Variants in KCNH1 observed in about 807,000 individuals in gnomAD.
KCNH1 encodes potassium voltage-gated channel subfamily H member 1, also known as voltage-gated delayed rectifier potassium channel KCNH1.
Under a neutral mutation model 69.2 loss-of-function variants are expected in KCNH1, and 27 were observed. That is an observed-to-expected ratio of 0.39 (90% CI 0.29 to 0.54). The LOEUF is 0.54. Among genes scored for constraint, KCNH1 ranks in the 20% least tolerant of loss-of-function variants. The probability of loss-of-function intolerance (pLI) is 0.68; values close to 1 mark genes in which losing one functional copy is unlikely to be tolerated. For synonymous variants in KCNH1, 456 were observed against 487.7 expected (o/e 0.93, Z 0.86); for missense variants, 798 against 1,261.6 (o/e 0.63, Z 5.57).
chr1:210,749,000 G>A (rs139546657), intron 10 of KCNH1, among the ~76,000 whole-genome samples: 35 of 152,180 alleles, frequency 2.3e-4, no homozygotes, highest in African/African-American at 6.5e-4. Context: ...GCTCTGCTCC[G>A]GCTTCCTCCT....
chr1:210,690,548 T>C (rs1311335075), intron 10 of KCNH1, among the ~76,000 whole-genome samples: 1 of 152,186 alleles, frequency 6.6e-6, no homozygotes, highest in East Asian at 1.9e-4. Context: ...AACTGGGCCA[T>C]TTAAGAAACT....
intron 10 of KCNH1, among the ~76,000 whole-genome samples, chr1:210,705,935 C>A (rs1681900967): frequency 6.6e-6 from 1 of 152,208 alleles, no homozygotes. Flanking sequence ...GCACTGAATG[C>A]TAAGAGCCAG....
intron 10 of KCNH1, among the ~76,000 whole-genome samples, chr1:210,700,334 G>C (rs1681743324): frequency 6.6e-6 from 1 of 152,168 alleles, no homozygotes; most frequent in African/African-American, 2.4e-5. Context: ...CACATTCCCT[G>C]CTGCAGGTAT....
intron 7 of KCNH1, among the ~76,000 whole-genome samples, chr1:210,820,627 CTG>C (rs1204589834): frequency 6.6e-6 from 1 of 152,090 alleles, no homozygotes; most frequent in Non-Finnish European, 1.5e-5. Flanking sequence ...GAGAGAGACT[CTG>C]TCTCAAAAAA....
At chr1:211,037,151 T>C (rs979838962) in intron 5 of KCNH1, among the ~76,000 whole-genome samples, 21 of 152,130 alleles carry the variant, frequency 1.4e-4, no homozygotes, top group African/African-American at 5.1e-4. Context: ...AACCACCCTG[T>C]GAGGGAGTTC....
At chr1:210,932,606 T>A (rs1377507847) in intron 6 of KCNH1, among the ~76,000 whole-genome samples, 1 of 151,884 alleles carries the variant, frequency 6.6e-6, no homozygotes, top group East Asian at 1.9e-4. Context: ...ACATGCTACC[T>A]AAAAGAAACT....
chr1:210,899,502 TA>T (rs1336272965), intron 7 of KCNH1, among the ~76,000 whole-genome samples: 20 of 152,126 alleles, frequency 1.3e-4, no homozygotes, highest in South Asian at 6.2e-4. Flanking sequence ...TATATATATA[TA>T]TATTTTTATC....
At chr1:211,105,198 A>T (rs1045842034) in intron 2 of KCNH1, among the ~76,000 whole-genome samples, 2 of 152,200 alleles carry the variant, frequency 1.3e-5, no homozygotes, top group Non-Finnish European at 2.9e-5. Flanking sequence ...TTATCTCTAG[A>T]AAGAAGAATA....
At chr1:210,742,872 C>G (rs1683066873) in intron 10 of KCNH1, among the ~76,000 whole-genome samples, 1 of 151,874 alleles carries the variant, frequency 6.6e-6, no homozygotes, top group Non-Finnish European at 1.5e-5. Context: ...CGCGCGTGCA[C>G]GTGCATGTGT....
At chr1:210,848,292 C>G (rs775748303) in intron 7 of KCNH1, among the ~76,000 whole-genome samples, 1 of 152,170 alleles carries the variant, frequency 6.6e-6, no homozygotes, top group Non-Finnish European at 1.5e-5. Flanking sequence ...GAATTGGGTA[C>G]GTGAACCATT....
In KCNH1 at chr1:211,133,719, C is replaced by T; in HGVS notation, c.79+148G>A. ...CCGCCCTGCCCACCTTTCTCTGCCT[C>T]GGGGAGGCTGCCCTGGGTGCCCGCG... On this transcript the variant is annotated intron_variant, in intron 1 of 10. Transcript: ENST00000271751. This position sits in a 1 kb window ranked among gnomAD's most constrained non-coding sequence, Gnocchi z 5.4. 3.0e-6 allele frequency: 2 copies of T among 667,796 alleles called. No homozygotes were observed. The highest frequency in any genetic ancestry group is 2.6e-5 in the Admixed American group (1 of 38,996). The allele number at this position is 667,796 out of a possible 1,614,324, so 41.4% of individuals were successfully genotyped here.
In KCNH1 at chr1:210,804,003, G is replaced by A; in HGVS notation, c.1626C>T (p.Ser542=). ...LSERVMDYIV[S]TWSMSRGIDT... is the part of the protein sequence containing the mutation. Reference sequence around the variant, plus strand: ...CAATGCCTCTGGACATGGACCAAGTGGACACAATATAATCCATTACTCGCT... The same window carrying A: ...CAATGCCTCTGGACATGGACCAAGTAGACACAATATAATCCATTACTCGCT... Residue 542 remains serine (S), a synonymous_variant, in exon 8 of 11, where the codon TCC becomes TCT. Transcript: ENST00000271751. The A allele has an allele frequency of 6.2e-7, 1 of 1,614,130 alleles. No individual in the cohort carries two copies. Among genetic ancestry groups the A allele is most frequent in the Non-Finnish European group, 8.5e-7 (1 of 1,180,018 alleles).
intron 6 of KCNH1, among the ~76,000 whole-genome samples, chr1:210,997,272 T>C (rs1316069653): frequency 6.6e-6 from 1 of 152,010 alleles, no homozygotes; most frequent in Non-Finnish European, 1.5e-5. Flanking sequence ...GAAAAAAAAT[T>C]AGACGAATGG....
chr1:210,897,590 G>A (rs1258608338), intron 7 of KCNH1, among the ~76,000 whole-genome samples: 1 of 152,182 alleles, frequency 6.6e-6, no homozygotes, highest in African/African-American at 2.4e-5. Context: ...GCCCTACTGT[G>A]ATTTTTAAAT....
chr1:210,991,268 T>C (rs541016513), intron 6 of KCNH1, among the ~76,000 whole-genome samples: 34 of 152,296 alleles, frequency 2.2e-4, no homozygotes, highest in African/African-American at 7.7e-4. Flanking sequence ...TGGAAAATTA[T>C]ACAGCGTTTT....
chr1:211,079,708 G>A lies in KCNH1; in HGVS notation c.558+3072C>T, dbSNP rs150589908. On this transcript the variant is annotated intron_variant, in intron 5 of 10. Transcript: ENST00000271751. ...AATCCATCATATAAACAGAACCAAC[G>A]ACAAAAACTACATGATTATCTCCAT... Among the ~76,000 whole-genome samples the A allele has an allele frequency of 3.1e-3, 474 of 152,174 alleles. 1 individual carries two copies. The highest frequency in any genetic ancestry group is 3.4e-3 in the Middle Eastern group (1 of 294).
intron 7 of KCNH1, chr1:210,861,812 C>A: frequency 1.3e-6 from 1 of 761,832 alleles, no homozygotes; most frequent in Non-Finnish European, 2.4e-6. Context: ...TTTTTATACT[C>A]ATAAGTTTTC....
chr1:210,764,300 T>C (rs1350465571), intron 10 of KCNH1, among the ~76,000 whole-genome samples: 1 of 152,122 alleles, frequency 6.6e-6, no homozygotes, highest in Non-Finnish European at 1.5e-5. Flanking sequence ...CTCCTAGATA[T>C]TGACCTAGGC....
chr1:211,000,348 A>C (rs1391096307), intron 6 of KCNH1, among the ~76,000 whole-genome samples: 2 of 152,216 alleles, frequency 1.3e-5, no homozygotes, highest in Non-Finnish European at 2.9e-5. Context: ...CAAAAATCAC[A>C]AGCATTCTTA....
Sources: allele counts gnomAD v4.1 joint callset (sites outside exome capture counted in the v4.1 genomes callset), GRCh38; gene constraint gnomAD v4.1.1; non-coding constraint Gnocchi (gnomAD v3.1); transcripts MANE v1.5; gene names NCBI Gene and HGNC (gene_info 2026-07-23, HGNC 2026-07-21).